ERG28: variants seen among roughly 807,000 people sequenced by gnomAD.
ERG28 encodes the protein ergosterol biosynthetic protein 28 homolog.
ERG28 carries 9 observed loss-of-function variants against 15.7 expected under a neutral mutation model. That is an observed-to-expected ratio of 0.57 (90% CI 0.35 to 1.00). The LOEUF (loss-of-function observed/expected upper bound fraction) is 1.00. Among genes scored for constraint, ERG28 ranks in the 50% least tolerant of loss-of-function variants. The pLI, the probability that ERG28 is intolerant of heterozygous loss-of-function variation, is 0.02. For synonymous variants in ERG28, 61 were observed against 68.4 expected (o/e 0.89, Z 0.53); for missense variants, 117 against 173.3 (o/e 0.68, Z 1.82).
intron 1 of ERG28, among the ~76,000 whole-genome samples, chr14:75,658,797 C>T (rs960133302): frequency 1.3e-5 from 2 of 152,112 alleles, no homozygotes; most frequent in African/African-American, 4.8e-5. Context: ...CTACCCCAAA[C>T]CCTTCTCCTT....
chr14:75,654,848 A>G (rs1890576401), intron 3 of ERG28, 38 bp downstream of exon 3: 1 of 1,571,326 alleles, frequency 6.4e-7, no homozygotes, highest in East Asian at 2.2e-5. Context: ...TCTGATTTCC[A>G]ACAAAAGGAT....
Position 75,651,457 on chromosome 14 carries a change from G to T in ERG28, c.*98C>A. On this transcript the variant is annotated 3_prime_UTR_variant, in exon 5 of 5. Transcript: ENST00000256319. ...GAGGCTAAAAGTGAATAAAAGGGCAGATGATGGAATAGAAAAGAAATTAAA... is the reference window on the plus strand; with the variant it reads ...GAGGCTAAAAGTGAATAAAAGGGCATATGATGGAATAGAAAAGAAATTAAA... The T allele has an allele frequency of 8.3e-7, 1 of 1,197,824 alleles. No individual in the cohort carries two copies. The highest frequency in any genetic ancestry group is 1.2e-6 in the Non-Finnish European group (1 of 835,344). The allele number at this position is 1,197,824 out of a possible 1,614,324, so 74.2% of individuals were successfully genotyped here.
Position 75,658,039 on chromosome 14 carries a change from A to G in ERG28, c.-31-506T>C, listed in dbSNP as rs1477742760. Among the ~76,000 whole-genome samples, 8 of 152,198 alleles carry G rather than the reference A, an allele frequency of 5.3e-5. No homozygotes were observed. The South Asian group carries it at 1.2e-3, about 24-fold the overall frequency. ...AATAAACTGCTGTGTGTCAACTCCA[A>G]ATAAAATCCTAAGCCCATCACGGAC... On this transcript the variant is annotated intron_variant, in intron 1 of 4. Coordinates refer to ENST00000256319, the MANE Select transcript of ERG28 (RefSeq NM_007176.4).
intron 1 of ERG28, among the ~76,000 whole-genome samples, chr14:75,658,331 A>C (rs1417949358): frequency 1.3e-5 from 2 of 152,178 alleles, no homozygotes; most frequent in Non-Finnish European, 2.9e-5. Context: ...TTAAAGAATA[A>C]AAGTTATATT....
At chr14:75,653,860 C>T (rs1008801152) in intron 3 of ERG28, among the ~76,000 whole-genome samples, 1 of 151,592 alleles carries the variant, frequency 6.6e-6, no homozygotes, top group Non-Finnish European at 1.5e-5. Context: ...TAGTTACCAA[C>T]AGAACTGGGC....
At position 75,651,802 on chromosome 14, in the gene ERG28, C is replaced by A; in HGVS notation, c.312G>T (p.Thr104=). The A allele has an allele frequency of 6.2e-7, 1 of 1,614,062 alleles. No individual in the cohort carries two copies. The highest frequency in any genetic ancestry group is 8.5e-7 in the Non-Finnish European group (1 of 1,179,938). Residue 104 remains threonine (T), a synonymous_variant, in exon 4 of 5, where the codon ACG becomes ACT. Transcript: ENST00000256319. The part of the protein sequence containing the change: ...ELFVYGTAAP[T]IGVLAPLMVA... ...CCATCAGGGGTGCCAGGACGCCAATCGTGGGAGCTGCAGTTCCATAGACAA... is the reference window on the plus strand; with the variant it reads ...CCATCAGGGGTGCCAGGACGCCAATAGTGGGAGCTGCAGTTCCATAGACAA...
intron 1 of ERG28, among the ~76,000 whole-genome samples, chr14:75,659,478 C>G (rs1189405977): frequency 6.6e-6 from 1 of 151,888 alleles, no homozygotes; most frequent in Non-Finnish European, 1.5e-5. Flanking sequence ...CTACCTCAAC[C>G]TCTCCACTTG....
chr14:75,654,163 A>G (rs1890566693), intron 3 of ERG28, among the ~76,000 whole-genome samples: 1 of 152,220 alleles, frequency 6.6e-6, no homozygotes, highest in African/African-American at 2.4e-5. Flanking sequence ...AATAAATATT[A>G]TCGCCTCCTG....
chr14:75,660,433 T>A (rs1890672028), intron 1 of ERG28, among the ~76,000 whole-genome samples: 1 of 152,200 alleles, frequency 6.6e-6, no homozygotes, highest in African/African-American at 2.4e-5. Context: ...TCATTTACAC[T>A]TTTCAGTCTC....
rs750470081 is a variant in ERG28, at chr14:75,657,512, C to G, written c.-10G>C. Reference sequence around the variant, plus strand: ...TCAGGAAACGGCTCATGACTCCCCTCAAACGTGGGAGGGCTTTTTGCCTTG... The same window carrying G: ...TCAGGAAACGGCTCATGACTCCCCTGAAACGTGGGAGGGCTTTTTGCCTTG... On this transcript the variant is annotated 5_prime_UTR_variant, in exon 2 of 5. An upstream open reading frame in the 5' UTR loses its in-frame stop. Transcript: ENST00000256319. 4 of 1,613,738 alleles carry G rather than the reference C, an allele frequency of 2.5e-6. No homozygotes were observed. The Admixed American group carries it at 5.0e-5, about 20-fold the overall frequency.
chr14:75,654,365 G>A (rs143842824), intron 3 of ERG28, among the ~76,000 whole-genome samples: 99 of 152,282 alleles, frequency 6.5e-4, no homozygotes, highest in African/African-American at 2.2e-3. Context: ...GCCTGCAATT[G>A]TTCCACCCTG....
chr14:75,654,887 T>C lies in ERG28; in HGVS notation c.223A>G (p.Thr75Ala). The change falls in exon 3 of 5, where the codon ACG becomes GCG. Residue 75 changes from threonine (T) to alanine (A), a missense_variant and splice_region_variant. Physicochemically the swap from Thr to Ala is moderately conservative, Grantham distance 58. Coordinates refer to ENST00000256319, the MANE Select transcript of ERG28 (RefSeq NM_007176.4). ...CLCAIDIHNK[T>A]LYHITLWTFL... is the part of the protein sequence containing the mutation. Reference sequence around the variant, plus strand: ...AAAGCTCTTCCTTCCCTTACATACGTCTTGTTGTGAATGTCAATGGCACAG... The same window carrying C: ...AAAGCTCTTCCTTCCCTTACATACGCCTTGTTGTGAATGTCAATGGCACAG... 6.2e-7 allele frequency: 1 copy of C among 1,611,200 alleles called. No homozygotes were observed. Among genetic ancestry groups the C allele is most frequent in the Non-Finnish European group, 8.5e-7 (1 of 1,177,334 alleles).
Position 75,657,434 on chromosome 14 carries a change from C to A in ERG28, c.69G>T (p.Thr23=). ...AAGTGTGGTCTCGGAAGCTCTGCAGCGTGTTCCCCATGGCTATGATGGACA... is the reference window on the plus strand; with the variant it reads ...AAGTGTGGTCTCGGAAGCTCTGCAGAGTGTTCCCCATGGCTATGATGGACA... The part of the protein sequence containing the change: ...VMVSIIAMGN[T]LQSFRDHTFL... The change falls in exon 2 of 5, where the codon ACG becomes ACT. Residue 23 remains threonine, a synonymous_variant. Coordinates refer to ENST00000256319, the MANE Select transcript of ERG28 (RefSeq NM_007176.4). 3.1e-6 allele frequency: 5 copies of A among 1,613,952 alleles called. No homozygotes were observed. The highest frequency in any genetic ancestry group is 4.2e-6 in the Non-Finnish European group (5 of 1,179,946).
chr14:75,660,225 T>C (rs1299533559), intron 1 of ERG28, among the ~76,000 whole-genome samples: 1 of 152,212 alleles, frequency 6.6e-6, no homozygotes. Flanking sequence ...TGAATTGCTC[T>C]GCCAATTTCT....
rs772737266 is a variant in ERG28, at chr14:75,654,869, T to C, written c.224+17A>G. On this transcript the variant is annotated intron_variant, in intron 3 of 4. Coordinates refer to ENST00000256319, the MANE Select transcript of ERG28 (RefSeq NM_007176.4). The stretch of plus-strand genomic sequence containing the variant: ...TTCCAACAAAAGGATGCTAAAGCTC[T>C]TCCTTCCCTTACATACGTCTTGTTG... The C allele has an allele frequency of 3.7e-6, 6 of 1,600,538 alleles. No individual in the cohort carries two copies. The Admixed American group carries it at 6.7e-5, about 18-fold the overall frequency.
At chr14:75,657,619 C>T in intron 1 of ERG28, 86 bp from the exon 2 acceptor site, 1 of 1,275,522 alleles carries the variant, frequency 7.8e-7, no homozygotes, top group Non-Finnish European at 1.1e-6. Flanking sequence ...TGAAGCAGGC[C>T]AAAAAAAGAA....
chr14:75,653,862 G>A (rs538260701), intron 3 of ERG28, among the ~76,000 whole-genome samples: 1 of 151,774 alleles, frequency 6.6e-6, no homozygotes, highest in Non-Finnish European at 1.5e-5. Flanking sequence ...GTTACCAACA[G>A]AACTGGGCCC....
chr14:75,649,805 TC>T lies in ERG28; in HGVS notation c.*1749del, dbSNP rs915081093. 1 of 152,242 alleles carries T rather than the reference TC, an allele frequency of 6.6e-6. No homozygotes were observed. Among genetic ancestry groups the T allele is most frequent in the Non-Finnish European group, 1.5e-5 (1 of 68,058 alleles). The allele number at this position is 152,242 out of a possible 1,614,324, so 9.4% of individuals were successfully genotyped here. A position where few individuals can be genotyped will look rare whatever the true frequency, so the allele number is the denominator to read the frequency against. ...ACCTTTTCTTTCACTTCCTAACTCT[TC>T]ACCATGCTGTGATTACATAGTTCTT... is the stretch of plus-strand genomic sequence containing the variant. On this transcript the variant is annotated 3_prime_UTR_variant, in exon 5 of 5. Transcript: ENST00000256319.
Position 75,650,505 on chromosome 14 carries a change from C to CAACT in ERG28, c.*1046_*1049dup, listed in dbSNP as rs1159033917. 2 of 152,296 alleles carry CAACT rather than the reference C, an allele frequency of 1.3e-5. No individual in the cohort carries two copies. The highest frequency in any genetic ancestry group is 2.9e-5 in the Non-Finnish European group (2 of 68,114). The allele number at this position is 152,296 out of a possible 1,614,324, so 9.4% of individuals were successfully genotyped here. On this transcript the variant is annotated 3_prime_UTR_variant, in exon 5 of 5. Coordinates refer to ENST00000256319, the MANE Select transcript of ERG28 (RefSeq NM_007176.4). ...AGGCCCTCTGGGTAGGGTTTAAGAG[C>CAACT]AACTGTCCATTCCAGTGCATTCTCC...
Sources: gnomAD v4.1 joint callset for allele counts (sites outside exome capture counted in the v4.1 genomes callset) on GRCh38, gnomAD v4.1.1 for gene constraint, MANE v1.5 for transcripts, NCBI Gene and HGNC (gene_info 2026-07-23, HGNC 2026-07-21) for gene names.